AFG2A: variants seen among roughly 807,000 people sequenced by gnomAD.
The protein encoded by AFG2A is ATPase family gene 2 protein homolog A.
the AFG2A span, among the ~76,000 whole-genome samples, chr4:123,036,955 C>T: frequency 5.9e-5 from 9 of 151,976 alleles, no homozygotes; most frequent in African/African-American, 2.2e-4. Context: ...TTTCAAGTTC[C>T]TTTACTCACA....
At chr4:123,308,684 A>AAACC in the AFG2A span, among the ~76,000 whole-genome samples, 2 of 152,220 alleles carry the variant, frequency 1.3e-5, no homozygotes, top group Middle Eastern at 3.2e-3. Flanking sequence ...GGTGCTAAAA[A>AAACC]GGTTGGGGAC....
the AFG2A span, among the ~76,000 whole-genome samples, chr4:123,057,527 GTTAA>G: frequency 1.3e-5 from 2 of 151,956 alleles, no homozygotes; most frequent in Admixed American, 1.3e-4. Flanking sequence ...GGGCATTTGA[GTTAA>G]TTTTTATAGT....
chr4:123,311,868 C>A, the AFG2A span, among the ~76,000 whole-genome samples: 1 of 152,202 alleles, frequency 6.6e-6, no homozygotes, highest in Non-Finnish European at 1.5e-5. Flanking sequence ...AGTTTGATTA[C>A]TGTGTGTTGA....
chr4:123,167,927 A>G, the AFG2A span, among the ~76,000 whole-genome samples: 1 of 152,212 alleles, frequency 6.6e-6, no homozygotes, highest in Admixed American at 6.5e-5. Flanking sequence ...AGCATATGAA[A>G]TATCTTGAGA....
At chr4:123,208,642 A>G in the AFG2A span, among the ~76,000 whole-genome samples, 1 of 152,206 alleles carries the variant, frequency 6.6e-6, no homozygotes, top group East Asian at 1.9e-4. Flanking sequence ...AAAGCTAACC[A>G]TCAATGTCGT....
chr4:123,050,056 T>G, the AFG2A span, among the ~76,000 whole-genome samples: 1 of 152,088 alleles, frequency 6.6e-6, no homozygotes. Flanking sequence ...TTTTTTTTGG[T>G]GGACTCATTG....
the AFG2A span, among the ~76,000 whole-genome samples, chr4:123,263,550 A>T: frequency 4.6e-5 from 7 of 152,142 alleles, no homozygotes; most frequent in African/African-American, 1.4e-4. Flanking sequence ...ATAAAAATAA[A>T]TTGGGACTAT....
the AFG2A span, among the ~76,000 whole-genome samples, chr4:122,998,931 G>C: frequency 2.6e-5 from 4 of 152,224 alleles, no homozygotes; most frequent in East Asian, 7.7e-4. Flanking sequence ...CCCACCAACA[G>C]TGTAAAAGTG....
At chr4:123,063,345 A>G in the AFG2A span, among the ~76,000 whole-genome samples, 1 of 152,214 alleles carries the variant, frequency 6.6e-6, no homozygotes, top group African/African-American at 2.4e-5. Flanking sequence ...ATGTAATATT[A>G]GGCTGTAAAC....
chr4:123,254,429 G>A, the AFG2A span, among the ~76,000 whole-genome samples: 302 of 151,792 alleles, frequency 2.0e-3, no homozygotes, highest in African/African-American at 6.4e-3. Context: ...TTATTTATCC[G>A]TATCTTTATC....
chr4:122,941,614 A>G, the AFG2A span, among the ~76,000 whole-genome samples: 39 of 152,298 alleles, frequency 2.6e-4, no homozygotes, highest in Admixed American at 4.6e-4. Context: ...TCCTAACTGA[A>G]TACCCTTTAT....
the AFG2A span, among the ~76,000 whole-genome samples, chr4:122,966,295 C>G: frequency 1.3e-5 from 2 of 152,146 alleles, no homozygotes; most frequent in Non-Finnish European, 2.9e-5. Context: ...AGTAAACTTA[C>G]CTATTGTTCT....
the AFG2A span, among the ~76,000 whole-genome samples, chr4:123,212,871 A>C: frequency 8.5e-5 from 13 of 152,294 alleles, no homozygotes; most frequent in East Asian, 5.8e-4. Context: ...TTGCATAAAA[A>C]TCAGGATATT....
the AFG2A span, among the ~76,000 whole-genome samples, chr4:123,252,573 T>C: frequency 6.6e-6 from 1 of 152,362 alleles, no homozygotes; most frequent in East Asian, 1.9e-4. Flanking sequence ...TTTACTGATT[T>C]ATAAATACTG....
chr4:123,086,638 C>T, the AFG2A span, among the ~76,000 whole-genome samples: 25 of 152,100 alleles, frequency 1.6e-4, no homozygotes, highest in African/African-American at 6.0e-4. Context: ...TGCTATTACA[C>T]ATGCTACACC....
the AFG2A span, among the ~76,000 whole-genome samples, chr4:122,972,186 A>G: frequency 6.6e-6 from 1 of 152,126 alleles, no homozygotes; most frequent in African/African-American, 2.4e-5. Context: ...TTTCTTTAAT[A>G]TCTATTGAAA....
chr4:123,288,565 T>C, the AFG2A span, among the ~76,000 whole-genome samples: 8 of 152,180 alleles, frequency 5.3e-5, no homozygotes, highest in African/African-American at 1.9e-4. Context: ...ATCCTTCTCA[T>C]ATGGTCATTT....
chr4:122,982,252 AT>A, the AFG2A span, among the ~76,000 whole-genome samples: 1 of 152,118 alleles, frequency 6.6e-6, no homozygotes, highest in Non-Finnish European at 1.5e-5. Context: ...TATTGATATG[AT>A]TTTATGATTT....
At chr4:122,998,461 C>T in the AFG2A span, among the ~76,000 whole-genome samples, 2 of 151,422 alleles carry the variant, frequency 1.3e-5, no homozygotes, top group African/African-American at 2.4e-5. Context: ...TCCCTCCCCA[C>T]TCCCCCCACC....
Sources: allele counts gnomAD v4.1 joint callset (sites outside exome capture counted in the v4.1 genomes callset), GRCh38; gene constraint gnomAD v4.1.1; transcripts MANE v1.5; gene names NCBI Gene and HGNC (gene_info 2026-07-23, HGNC 2026-07-21).